Variants in FNIP2 observed in about 807,000 individuals in gnomAD.
FNIP2 encodes folliculin-interacting protein 2.
In FNIP2, 32 loss-of-function variants were observed where a neutral mutation model predicts 108.7. The ratio of observed to expected loss-of-function variants is 0.29; its 90% confidence interval spans 0.22 to 0.40. The LOEUF (loss-of-function observed/expected upper bound fraction) is 0.40, where lower values mean the gene tolerates loss of function less well. Among genes scored for constraint, FNIP2 ranks in the 10% least tolerant of loss-of-function variants. The probability of loss-of-function intolerance (pLI) is 1.00; values close to 1 mark genes in which losing one functional copy is unlikely to be tolerated. For synonymous variants in FNIP2, 480 were observed against 496.7 expected, an observed-to-expected ratio of 0.97 and a Z score of 0.45; for missense variants, 1,202 against 1,381.6, an observed-to-expected ratio of 0.87 and a Z score of 2.06.
chr4:158,890,629 A>G (rs899811415), intron 14 of FNIP2, among the ~76,000 whole-genome samples: 6 of 152,046 alleles, frequency 3.9e-5, no homozygotes, highest in Non-Finnish European at 5.9e-5. Flanking sequence ...GCAATTAGCA[A>G]CTCTTGTTAA....
chr4:158,875,523 T>TATATATAC (rs1553964282), intron 14 of FNIP2, among the ~76,000 whole-genome samples: 1 of 69,494 alleles, frequency 1.4e-5, no homozygotes, highest in African/African-American at 4.3e-5. Flanking sequence ...GTGATATATA[T>TATATATAC]ATATATATAT....
rs62001908 is a variant in FNIP2, at chr4:158,829,096, T to C, written c.252T>C (p.Pro84=). 7.2e-4 allele frequency: 1,166 copies of C among 1,610,390 alleles called. 8 individuals are homozygous for C. The African/African-American group carries it at 0.013, about 18-fold the overall frequency. ...TAACCTAGAAAACAGAGGATGTTCC[T>C]ATTAAAATATCAGCCAAGTGCTGCC... The part of the protein sequence containing the change: ...EVTAQKTEDV[P]IKISAKCCQG... Residue 84 remains proline, a synonymous_variant, in exon 3 of 17, where the codon CCT becomes CCC. Transcript: ENST00000264433.
At chr4:158,893,490 A>G in intron 15 of FNIP2, 1 of 521,564 alleles carries the variant, frequency 1.9e-6, no homozygotes, top group Non-Finnish European at 3.5e-6. Context: ...AATAACAATT[A>G]GTTTCATGAA....
intron 7 of FNIP2, among the ~76,000 whole-genome samples, chr4:158,837,078 C>A (rs560821013): frequency 2.0e-5 from 3 of 152,274 alleles, no homozygotes; most frequent in African/African-American, 7.2e-5. Flanking sequence ...CGGCTCCCTG[C>A]CTTTGTAACC....
intron 12 of FNIP2, among the ~76,000 whole-genome samples, chr4:158,867,852 G>A (rs1486382877): frequency 6.6e-6 from 1 of 152,194 alleles, no homozygotes. Context: ...CAGGCAATGG[G>A]AGGGGCTGTG....
At position 158,886,496 on chromosome 4, in the gene FNIP2, G is replaced by A. The variant is rs560401128; in HGVS notation, c.2950-4950G>A. Among the ~76,000 whole-genome samples the A allele has an allele frequency of 4.2e-4, 64 of 152,332 alleles. No individual in the cohort carries two copies. The South Asian group carries it at 0.012, about 30-fold the overall frequency. The stretch of plus-strand genomic sequence containing the variant: ...AGGAAGGTGCCGGGCTGGCAGCTCT[G>A]CATTGATACCCTGGCTGCCGTTGGA... On this transcript the variant is annotated intron_variant, in intron 14 of 16. Coordinates refer to ENST00000264433, the MANE Select transcript of FNIP2 (RefSeq NM_020840.3).
intron 14 of FNIP2, among the ~76,000 whole-genome samples, chr4:158,883,579 C>T (rs186327228): frequency 3.5e-4 from 53 of 152,274 alleles, no homozygotes; most frequent in African/African-American, 1.2e-3. Context: ...GTGGCTTATC[C>T]CTGATAGTTA....
intron 1 of FNIP2, among the ~76,000 whole-genome samples, chr4:158,811,894 G>A (rs1343077399): frequency 1.3e-5 from 2 of 152,178 alleles, no homozygotes; most frequent in African/African-American, 2.4e-5. Flanking sequence ...AACAAGCCAC[G>A]CGGGTGTTTG....
In FNIP2 at chr4:158,868,101, G is replaced by T; in HGVS notation, c.1466-1G>T. 1 of 1,613,168 alleles carries T rather than the reference G, an allele frequency of 6.2e-7. No individual in the cohort carries two copies. The highest frequency in any genetic ancestry group is 8.5e-7 in the Non-Finnish European group (1 of 1,179,288). ...CCTTTGTGTCCACCTTTGCTCTCTA[G>T]GTGATCTTTACGGAGCCATAGGCTC... is the stretch of plus-strand genomic sequence containing the variant. On this transcript the variant is annotated splice_acceptor_variant, in intron 12 of 16. Coordinates refer to ENST00000264433, the MANE Select transcript of FNIP2 (RefSeq NM_020840.3). LOFTEE classifies it high-confidence loss of function. The surrounding 1 kb of genome is among the most constrained non-coding windows in gnomAD (Gnocchi z 4.6).
chr4:158,899,553 T>A (rs1783013923), intron 16 of FNIP2, among the ~76,000 whole-genome samples: 1 of 152,232 alleles, frequency 6.6e-6, no homozygotes, highest in Admixed American at 6.5e-5. Flanking sequence ...ATTCAGGGAT[T>A]TGACTTCTTC....
intron 1 of FNIP2, among the ~76,000 whole-genome samples, chr4:158,776,665 A>T (rs565100950): frequency 6.6e-6 from 1 of 152,326 alleles, no homozygotes; most frequent in South Asian, 2.1e-4. Context: ...TGTAAATGAA[A>T]CAAGAAAACG....
At chr4:158,850,541 G>C (rs1779640874) in intron 7 of FNIP2, among the ~76,000 whole-genome samples, 1 of 150,986 alleles carries the variant, frequency 6.6e-6, no homozygotes, top group Non-Finnish European at 1.5e-5. Flanking sequence ...GGAGGAAGCA[G>C]AGAAAGGTTC....
Position 158,868,233 on chromosome 4 carries a change from A to G in FNIP2, c.1597A>G (p.Asn533Asp). The G allele has an allele frequency of 6.2e-7, 1 of 1,614,052 alleles. No individual in the cohort carries two copies. Among genetic ancestry groups the G allele is most frequent in the Non-Finnish European group, 8.5e-7 (1 of 1,179,900 alleles). ...TCTCCGTTGCTCTGAGCTACAAGAG[A>G]ACCAGCTGACCTGGAGTGGCAATCA... Reference protein sequence around the residue: ...YFLRCSELQENQLTWSGNHGE... With the variant: ...YFLRCSELQEDQLTWSGNHGE... Residue 533 changes from asparagine (N) to aspartate (D), a missense_variant, in exon 13 of 17, where the codon AAC becomes GAC. Coordinates refer to ENST00000264433, the MANE Select transcript of FNIP2 (RefSeq NM_020840.3). This position sits in a 1 kb window ranked among gnomAD's most constrained non-coding sequence, Gnocchi z 4.6.
chr4:158,853,148 CATT>C (rs1779792374), intron 8 of FNIP2, among the ~76,000 whole-genome samples: 2 of 151,950 alleles, frequency 1.3e-5, no homozygotes, highest in African/African-American at 4.8e-5. Flanking sequence ...ATTATAATAT[CATT>C]ATGTGATATC....
chr4:158,779,993 GA>G (rs753884668), intron 1 of FNIP2, among the ~76,000 whole-genome samples: 8 of 151,946 alleles, frequency 5.3e-5, no homozygotes, highest in Non-Finnish European at 5.9e-5. Context: ...AGGATCTCTT[GA>G]GTCCAGGAGT....
intron 1 of FNIP2, among the ~76,000 whole-genome samples, chr4:158,769,534 A>G (rs1775622615): frequency 6.6e-6 from 1 of 152,118 alleles, no homozygotes; most frequent in South Asian, 2.1e-4. Context: ...TCCACAACTC[A>G]GGGTCCTTCC....
chr4:158,870,745 G>A (rs1470392147), intron 14 of FNIP2, among the ~76,000 whole-genome samples: 1 of 152,242 alleles, frequency 6.6e-6, no homozygotes, highest in African/African-American at 2.4e-5. Context: ...CCTGGCTGCA[G>A]GAGCAGTGAG....
At chr4:158,889,466 A>G (rs1782179421) in intron 14 of FNIP2, among the ~76,000 whole-genome samples, 1 of 152,142 alleles carries the variant, frequency 6.6e-6, no homozygotes, top group African/African-American at 2.4e-5. Context: ...CTTATAGTCT[A>G]TGCACTGTTG....
At chr4:158,900,827 G>A (rs190633087) in intron 16 of FNIP2, among the ~76,000 whole-genome samples, 17 of 152,204 alleles carry the variant, frequency 1.1e-4, no homozygotes, top group East Asian at 5.8e-4. Flanking sequence ...CATTTAGCCC[G>A]TATTTGATTT....
Sources: allele counts gnomAD v4.1 joint callset (sites outside exome capture counted in the v4.1 genomes callset), GRCh38; gene constraint gnomAD v4.1.1; non-coding constraint Gnocchi (gnomAD v3.1); transcripts MANE v1.5; gene names NCBI Gene and HGNC (gene_info 2026-07-23, HGNC 2026-07-21).